Variants in WDR64 observed in about 807,000 individuals in gnomAD.
WDR64 encodes WD repeat-containing protein 64.
WDR64 carries 112 observed loss-of-function variants against 139.3 expected under a neutral mutation model. That is an observed-to-expected ratio of 0.80 (90% confidence interval 0.69 to 0.94). The LOEUF is 0.94. WDR64 is among the 40% of genes least tolerant of loss of function. The probability of loss-of-function intolerance (pLI) is 0.00; values close to 1 mark genes in which losing one functional copy is unlikely to be tolerated. For synonymous variants in WDR64, 444 were observed against 437.7 expected, an observed-to-expected ratio of 1.01 and a Z score of -0.18; for missense variants, 1,206 against 1,293.1, an observed-to-expected ratio of 0.93 and a Z score of 1.03.
At chr1:241,686,498 G>T (rs764487910) in intron 7 of WDR64, among the ~76,000 whole-genome samples, 72 of 152,172 alleles carry the variant, frequency 4.7e-4, no homozygotes, top group Middle Eastern at 3.2e-3. Context: ...TTGGTGACAA[G>T]AATTTTTACC....
At chr1:241,676,637 T>A (rs1302473240) in intron 4 of WDR64, among the ~76,000 whole-genome samples, 1 of 152,008 alleles carries the variant, frequency 6.6e-6, no homozygotes, top group Non-Finnish European at 1.5e-5. Flanking sequence ...AACATGCACA[T>A]ACACACAAAA....
chr1:241,704,716 G>A (rs1667866834), intron 8 of WDR64, among the ~76,000 whole-genome samples: 2 of 152,154 alleles, frequency 1.3e-5, no homozygotes, highest in South Asian at 4.1e-4. Flanking sequence ...CACATGCTGA[G>A]AAATTTAAGT....
chr1:241,745,033 G>A (rs1229013067), intron 13 of WDR64, among the ~76,000 whole-genome samples: 1 of 152,224 alleles, frequency 6.6e-6, no homozygotes, highest in Admixed American at 6.5e-5. Context: ...CCAGGCCCAG[G>A]TTGGGCTAGG....
intron 9 of WDR64, among the ~76,000 whole-genome samples, chr1:241,712,228 G>T (rs1668199989): frequency 6.6e-6 from 1 of 152,164 alleles, no homozygotes; most frequent in Non-Finnish European, 1.5e-5. Flanking sequence ...ACTTATGTGT[G>T]TGCGTGTGCC....
chr1:241,677,254 T>G (rs1009117652), intron 4 of WDR64: 1 of 397,910 alleles, frequency 2.5e-6, no homozygotes, highest in African/African-American at 2.1e-5. Context: ...TAAAGATATA[T>G]ATAGAGAAAG....
rs777887535 is a variant in WDR64 at position 241,679,565 on chromosome 1, C to G, written c.594C>G (p.Val198=). The part of the protein sequence containing the change: ...IVATTERTII[V]WDYKAQGSSQ... The stretch of plus-strand genomic sequence containing the variant: ...CCACAACCGAAAGGACCATTATTGT[C>G]TGGGATTATAAAGCTCAAGGGAGCA... The change falls in exon 6 of 28, where the codon GTC becomes GTG. Residue 198 remains valine (V), a synonymous_variant. Coordinates refer to ENST00000437684, the MANE Select transcript of WDR64 (RefSeq NM_001367482.1). 2 of 1,551,772 alleles carry G rather than the reference C, an allele frequency of 1.3e-6. No individual in the cohort carries two copies. The highest frequency in any genetic ancestry group is 2.4e-5 in the South Asian group (2 of 84,056).
chr1:241,667,655 C>G (rs1214586270), intron 2 of WDR64, among the ~76,000 whole-genome samples: 2 of 152,094 alleles, frequency 1.3e-5, no homozygotes, highest in East Asian at 3.9e-4. Flanking sequence ...ATAGAGACCT[C>G]TAGGAGCTAA....
chr1:241,674,736 T>G lies in WDR64; in HGVS notation c.472T>G (p.Phe158Val). 2 of 1,541,118 alleles carry G rather than the reference T, an allele frequency of 1.3e-6. No homozygotes were observed. Among genetic ancestry groups the G allele is most frequent in the Non-Finnish European group, 1.8e-6 (2 of 1,139,156 alleles). Residue 158 changes from phenylalanine to valine, a missense_variant, in exon 4 of 28, where the codon TTT becomes GTT. Phe to Val is a conservative substitution (Grantham distance 50). Coordinates refer to ENST00000437684, the MANE Select transcript of WDR64 (RefSeq NM_001367482.1). ...TACTCAGAAAGGATTAATAACAGTTTTTAATAACCAGGTAATTTCTTTTTC... is the reference window on the plus strand; with the variant it reads ...TACTCAGAAAGGATTAATAACAGTTGTTAATAACCAGGTAATTTCTTTTTC... ...TATQKGLITVFNNQMRVQTST... is the reference protein window; with the variant it reads ...TATQKGLITVVNNQMRVQTST...
intron 15 of WDR64, among the ~76,000 whole-genome samples, chr1:241,760,446 TG>T (rs1394245363): frequency 6.7e-6 from 1 of 150,234 alleles, no homozygotes; most frequent in East Asian, 1.9e-4. Context: ...AGCATTGCCA[TG>T]GCAAAGAAGG....
chr1:241,696,941 G>C (rs1667515656), intron 8 of WDR64, among the ~76,000 whole-genome samples: 1 of 152,126 alleles, frequency 6.6e-6, no homozygotes, highest in African/African-American at 2.4e-5. Context: ...ATTTGCTCTG[G>C]TTCAAATGCC....
At chr1:241,784,910 C>T (rs1027488203) in intron 23 of WDR64, among the ~76,000 whole-genome samples, 3 of 131,606 alleles carry the variant, frequency 2.3e-5, no homozygotes, top group South Asian at 2.5e-4. Context: ...GCCGAGATCA[C>T]GCCACTGCAC....
chr1:241,676,132 A>C (rs1300631422), intron 4 of WDR64: 1 of 152,202 alleles, frequency 6.6e-6, no homozygotes, highest in African/African-American at 2.4e-5. Context: ...GAAGTCACAG[A>C]CAGCCAGATT....
Position 241,686,993 on chromosome 1 carries a change from T to G in WDR64, c.840-468T>G, listed in dbSNP as rs115769202. Among the ~76,000 whole-genome samples the G allele has an allele frequency of 3.9e-3, 599 of 152,264 alleles. 5 individuals carry two copies. Among genetic ancestry groups the G allele is most frequent in the African/African-American group, 0.014 (570 of 41,576 alleles). On this transcript the variant is annotated intron_variant, in intron 7 of 27. Transcript: ENST00000437684. ...TAAAGTTACTTTTCCATTTTAAGTA[T>G]GCTTGATTATAAATAAACAGTTAAA...
At chr1:241,753,700 T>A (rs1670064474) in intron 14 of WDR64, among the ~76,000 whole-genome samples, 1 of 152,090 alleles carries the variant, frequency 6.6e-6, no homozygotes, top group Non-Finnish European at 1.5e-5. Context: ...CAAGGCACTG[T>A]CACACACACT....
chr1:241,777,584 A>C (rs950215887), intron 21 of WDR64, among the ~76,000 whole-genome samples: 1 of 150,798 alleles, frequency 6.6e-6, no homozygotes, highest in Non-Finnish European at 1.5e-5. Context: ...CGGCCAGCTA[A>C]TTTTTGTATT....
rs142470764 is a variant in WDR64 at position 241,742,104 on chromosome 1, T to C, written c.1470+440T>C. On this transcript the variant is annotated intron_variant, in intron 12 of 27. Coordinates refer to ENST00000437684, the MANE Select transcript of WDR64 (RefSeq NM_001367482.1). ...GATCTGCTTTAATCTTCACAACAGT[T>C]CTCTGTGAACAGATAAAGAGTTTTT... Among the ~76,000 whole-genome samples the C allele has an allele frequency of 4.1e-3, 624 of 152,312 alleles. 1 individual carries two copies. The highest frequency in any genetic ancestry group is 6.6e-3 in the Non-Finnish European group (451 of 68,022).
intron 27 of WDR64, among the ~76,000 whole-genome samples, chr1:241,798,013 T>C (rs1040670379): frequency 1.3e-5 from 2 of 152,114 alleles, no homozygotes; most frequent in African/African-American, 2.4e-5. Context: ...GGGAAGACAA[T>C]ATGGAATGAA....
chr1:241,790,276 G>C (rs1198684720), intron 24 of WDR64, among the ~76,000 whole-genome samples: 3 of 152,084 alleles, frequency 2.0e-5, no homozygotes, highest in Non-Finnish European at 4.4e-5. Context: ...GCTTGAACCT[G>C]GGAGGCAGAG....
intron 15 of WDR64, among the ~76,000 whole-genome samples, chr1:241,765,322 A>G (rs1658104075): frequency 1.3e-5 from 2 of 152,238 alleles, no homozygotes; most frequent in Non-Finnish European, 2.9e-5. Flanking sequence ...GGACTGGACT[A>G]GATAATTAGG....
Sources: gnomAD v4.1 joint callset for allele counts (sites outside exome capture counted in the v4.1 genomes callset) on GRCh38, gnomAD v4.1.1 for gene constraint, MANE v1.5 for transcripts, NCBI Gene and HGNC (gene_info 2026-07-23, HGNC 2026-07-21) for gene names.